The following DPP6 variants were observed in gnomAD, a reference collection of about 807,000 sequenced individuals.
The protein encoded by DPP6 is dipeptidyl peptidase like 6.
Under a neutral mutation model 122.6 loss-of-function variants are expected in DPP6, and 69 were observed. The ratio of observed to expected loss-of-function variants is 0.56; its 90% CI spans 0.46 to 0.69. The LOEUF is 0.69. Ranked by LOEUF, DPP6 falls within the 30% of genes least tolerant of loss-of-function variation. The pLI is 0.00. For missense variants in DPP6, 928 were observed against 1,116.9 expected (o/e 0.83, Z 2.41); for synonymous variants, 418 against 433.1 (o/e 0.97, Z 0.43).
chr7:154,787,860 C>T (rs1035057977), intron 10 of DPP6, among the ~76,000 whole-genome samples: 2 of 152,124 alleles, frequency 1.3e-5, no homozygotes, highest in Non-Finnish European at 2.9e-5. Flanking sequence ...TGTTTCTATT[C>T]CTTTTTTCTA....
intron 1 of DPP6, among the ~76,000 whole-genome samples, chr7:154,376,792 A>G (rs1328812496): frequency 6.6e-6 from 1 of 152,216 alleles, no homozygotes; most frequent in Non-Finnish European, 1.5e-5. Context: ...CTGCCCATAC[A>G]ATAGGCTGTA....
intron 1 of DPP6, among the ~76,000 whole-genome samples, chr7:153,922,710 C>T (rs765989779): frequency 2.6e-5 from 4 of 152,122 alleles, no homozygotes; most frequent in Non-Finnish European, 4.4e-5. Flanking sequence ...AATCAATAAT[C>T]TCTTAGATTT....
At chr7:153,924,571 C>T (rs1178891736) in intron 1 of DPP6, among the ~76,000 whole-genome samples, 1 of 152,218 alleles carries the variant, frequency 6.6e-6, no homozygotes, top group Non-Finnish European at 1.5e-5. Context: ...TTTTCTAGAG[C>T]TTTCCTTCTG....
chr7:154,187,318 A>T (rs1480710752), intron 1 of DPP6, among the ~76,000 whole-genome samples: 1 of 152,242 alleles, frequency 6.6e-6, no homozygotes, highest in African/African-American at 2.4e-5. Flanking sequence ...ACCCAAGACC[A>T]TTCTACTTGC....
At chr7:153,828,956 A>G in the DPP6 span, among the ~76,000 whole-genome samples, 1 of 152,220 alleles carries the variant, frequency 6.6e-6, no homozygotes, top group Admixed American at 6.5e-5. Flanking sequence ...ATTTGAATAT[A>G]TTTGTTCCAA....
chr7:154,140,133 T>C (rs1008876314), intron 1 of DPP6, among the ~76,000 whole-genome samples: 3 of 152,210 alleles, frequency 2.0e-5, no homozygotes, highest in African/African-American at 7.2e-5. Context: ...CGCTCTTTCA[T>C]GATTTTAAAT....
the DPP6 span, among the ~76,000 whole-genome samples, chr7:153,796,414 G>A: frequency 1.5e-4 from 21 of 143,640 alleles, no homozygotes; most frequent in African/African-American, 5.0e-4. Context: ...TGATATTAAC[G>A]TGCTCCTCTG....
chr7:154,754,320 G>A (rs1017031586), intron 8 of DPP6, among the ~76,000 whole-genome samples: 9 of 152,108 alleles, frequency 5.9e-5, no homozygotes, highest in Admixed American at 3.9e-4. Context: ...GTTTTGTGGC[G>A]AAAAAATTCT....
chr7:154,669,463 A>G, intron 7 of DPP6, 22 bp downstream of exon 7: 1 of 1,549,852 alleles, frequency 6.5e-7, no homozygotes, highest in Non-Finnish European at 8.7e-7. Flanking sequence ...AAGTTCAGTA[A>G]CTATACTTGG....
Position 154,772,927 on chromosome 7 carries a change from A to C in DPP6, c.1121A>C (p.Asp374Ala), listed in dbSNP as rs777209072. 3 of 1,607,812 alleles carry C rather than the reference A, an allele frequency of 1.9e-6. No homozygotes were observed. Among genetic ancestry groups the C allele is most frequent in the Non-Finnish European group, 2.5e-6 (3 of 1,177,296 alleles). The part of the protein sequence containing the change: ...PTHDLEMMPP[D>A]DPRMREYYIT... Reference sequence around the variant, plus strand: ...CATGATCTGGAGATGATGCCGCCTGATGATCCACGGATGAGGTTTGCTTCC... The same window carrying C: ...CATGATCTGGAGATGATGCCGCCTGCTGATCCACGGATGAGGTTTGCTTCC... The change falls in exon 10 of 26, where the codon GAT (aspartate) becomes GCT (alanine). Residue 374 changes from aspartate to alanine, a missense_variant. Asp to Ala is a moderately radical substitution (Grantham distance 126, BLOSUM62 -2). Transcript: ENST00000377770.
the DPP6 span, among the ~76,000 whole-genome samples, chr7:153,870,757 T>C: frequency 6.6e-6 from 1 of 152,252 alleles, no homozygotes; most frequent in Non-Finnish European, 1.5e-5. Context: ...TTTTCTGCTC[T>C]GTTTTTTGCC....
chr7:154,795,939 C>T (rs1201908634), intron 12 of DPP6, 56 bp downstream of exon 12: 1 of 1,575,656 alleles, frequency 6.3e-7, no homozygotes. Context: ...CACCCCAGGG[C>T]TGGCCCTCAG....
chr7:154,108,362 G>A (rs1341182928), intron 1 of DPP6, among the ~76,000 whole-genome samples: 1 of 152,324 alleles, frequency 6.6e-6, no homozygotes, highest in East Asian at 1.9e-4. Flanking sequence ...GTAGGCAAAT[G>A]TCATGAATGG....
chr7:154,774,527 G>A lies in DPP6; in HGVS notation c.1136+1585G>A, dbSNP rs138860624. Among the ~76,000 whole-genome samples, 421 of 152,286 alleles carry A rather than the reference G, an allele frequency of 2.8e-3. 1 individual carries two copies. Among genetic ancestry groups the A allele is most frequent in the African/African-American group, 9.2e-3 (383 of 41,546 alleles). ...GCTTCAAGGACAATGAAAAATTAGC[G>A]TCAGCCAGGACTTGAAGCCTGGATG... On this transcript the variant is annotated intron_variant, in intron 10 of 25. Coordinates refer to ENST00000377770, the MANE Select transcript of DPP6 (RefSeq NM_130797.4).
In DPP6 at chr7:154,287,367, C is replaced by T. The variant is rs142923099; in HGVS notation, c.244-158847C>T. Among the ~76,000 whole-genome samples the T allele has an allele frequency of 1.7e-3, 252 of 152,322 alleles. 1 individual carries two copies. Among genetic ancestry groups the T allele is most frequent in the African/African-American group, 5.6e-3 (233 of 41,584 alleles). ...GATGACCCTGCCTTTCTAGATACAA[C>T]GGGTTTCATTCTTCATGCTGGGCAG... On this transcript the variant is annotated intron_variant, in intron 1 of 25. Transcript: ENST00000377770.
At chr7:153,919,214 G>T (rs1800518729) in intron 1 of DPP6, among the ~76,000 whole-genome samples, 1 of 152,146 alleles carries the variant, frequency 6.6e-6, no homozygotes, top group South Asian at 2.1e-4. Flanking sequence ...GCTACCTGAG[G>T]ACACTCGGTG....
chr7:154,475,208 A>G, intron 3 of DPP6, 171 bp downstream of exon 3: 1 of 636,622 alleles, frequency 1.6e-6, no homozygotes, highest in Non-Finnish European at 2.9e-6. Flanking sequence ...GAAAATGTGT[A>G]TCTGGTAAAA....
chr7:153,888,159 G>A (rs899843168), intron 1 of DPP6, among the ~76,000 whole-genome samples: 1 of 152,122 alleles, frequency 6.6e-6, no homozygotes, highest in Non-Finnish European at 1.5e-5. Flanking sequence ...TCGGTGCTCC[G>A]AGTCCCCGGA....
At chr7:154,703,243 T>C (rs1479031732) in intron 7 of DPP6, among the ~76,000 whole-genome samples, 4 of 152,226 alleles carry the variant, frequency 2.6e-5, no homozygotes, top group Admixed American at 2.0e-4. Flanking sequence ...ATAAATGTTG[T>C]TTCTATGCCT....
Sources: gnomAD v4.1 joint callset for allele counts (sites outside exome capture counted in the v4.1 genomes callset) on GRCh38, gnomAD v4.1.1 for gene constraint, MANE v1.5 for transcripts, NCBI Gene and HGNC (gene_info 2026-07-23, HGNC 2026-07-21) for gene names.